The following MIPOL1 variants were observed in gnomAD, a reference collection of about 807,000 sequenced individuals.
MIPOL1 encodes the protein mirror-image polydactyly gene 1 protein.
Under a neutral mutation model 60.9 loss-of-function variants are expected in MIPOL1, and 57 were observed. The ratio of observed to expected loss-of-function variants is 0.94; its 90% CI spans 0.76 to 1.17. The LOEUF (loss-of-function observed/expected upper bound fraction) is 1.17, where lower values mean the gene tolerates loss of function less well. Among genes scored for constraint, MIPOL1 ranks in the 50% most tolerant of loss-of-function variants. The pLI is 0.00. For synonymous variants in MIPOL1, 179 were observed against 168.8 expected, an observed-to-expected ratio of 1.06 and a Z score of -0.47; for missense variants, 551 against 511.6, an observed-to-expected ratio of 1.08 and a Z score of -0.74.
chr14:37,305,837 A>G (rs1009387773), intron 7 of MIPOL1, among the ~76,000 whole-genome samples: 4 of 151,856 alleles, frequency 2.6e-5, no homozygotes, highest in African/African-American at 9.7e-5. Context: ...TAATAACAAA[A>G]CAAGATTGAG....
In MIPOL1 at chr14:37,410,543, A is replaced by G. The variant is rs560704176; in HGVS notation, c.937-12312A>G. Among the ~76,000 whole-genome samples the G allele has an allele frequency of 7.9e-5, 12 of 152,274 alleles. No homozygotes were observed. In the East Asian group the frequency reaches 1.2e-3, roughly 15 times the overall value. ...TGTTTAGACACAGGTACATGGTTCTATAAGGAACCTCCCAACCAGGAAGGA... is the reference window on the plus strand; with the variant it reads ...TGTTTAGACACAGGTACATGGTTCTGTAAGGAACCTCCCAACCAGGAAGGA... On this transcript the variant is annotated intron_variant, in intron 10 of 12. Transcript: ENST00000684589.
At chr14:37,529,458 A>C (rs2095467411) in intron 12 of MIPOL1, among the ~76,000 whole-genome samples, 1 of 152,136 alleles carries the variant, frequency 6.6e-6, no homozygotes, top group African/African-American at 2.4e-5. Flanking sequence ...AAATATTTGG[A>C]GAGGGTTCAA....
chr14:37,374,240 C>T (rs185604829), intron 10 of MIPOL1, among the ~76,000 whole-genome samples: 7 of 151,672 alleles, frequency 4.6e-5, no homozygotes, highest in East Asian at 1.9e-4. Flanking sequence ...GTTTGTTTTT[C>T]GGGGGGTAAA....
At chr14:37,230,951 A>G (rs954657574) in intron 1 of MIPOL1, among the ~76,000 whole-genome samples, 5 of 152,072 alleles carry the variant, frequency 3.3e-5, no homozygotes, top group African/African-American at 7.2e-5. Context: ...ATATATCTCT[A>G]TCTATCTATC....
intron 6 of MIPOL1, chr14:37,277,358 T>A (rs997370976): frequency 3.3e-5 from 5 of 151,242 alleles, no homozygotes; most frequent in Non-Finnish European, 5.9e-5. Flanking sequence ...TAAATAAAAA[T>A]TTTTTAAGTT....
chr14:37,363,428 G>A (rs892288164), intron 9 of MIPOL1, among the ~76,000 whole-genome samples: 1 of 152,158 alleles, frequency 6.6e-6, no homozygotes, highest in African/African-American at 2.4e-5. Flanking sequence ...GTTTGCCTGC[G>A]TATCACCAGT....
At chr14:37,423,454 G>T (rs1227838434) in intron 11 of MIPOL1, 1 of 151,604 alleles carries the variant, frequency 6.6e-6, no homozygotes, top group African/African-American at 2.4e-5. Flanking sequence ...AATAAGGTAG[G>T]TATTTTTTAA....
At chr14:37,460,899 A>C (rs2094531620) in intron 11 of MIPOL1, among the ~76,000 whole-genome samples, 1 of 152,218 alleles carries the variant, frequency 6.6e-6, no homozygotes, top group African/African-American at 2.4e-5. Context: ...GGATCAAAGA[A>C]ATCAATATCA....
intron 10 of MIPOL1, among the ~76,000 whole-genome samples, chr14:37,375,430 C>T (rs2092748498): frequency 6.6e-6 from 1 of 152,048 alleles, no homozygotes; most frequent in Non-Finnish European, 1.5e-5. Flanking sequence ...AGTGATCATT[C>T]CGCTTCGACC....
At chr14:37,388,207 T>C (rs1298941366) in intron 10 of MIPOL1, among the ~76,000 whole-genome samples, 1 of 151,964 alleles carries the variant, frequency 6.6e-6, no homozygotes, top group Non-Finnish European at 1.5e-5. Flanking sequence ...TGTGGGGTTT[T>C]AACAATTATT....
intron 1 of MIPOL1, among the ~76,000 whole-genome samples, chr14:37,246,847 A>T (rs1366918405): frequency 6.6e-6 from 1 of 152,096 alleles, no homozygotes; most frequent in Non-Finnish European, 1.5e-5. Context: ...GTAAATGATG[A>T]GGAAGAGTGA....
At chr14:37,380,654 T>G (rs2092901158) in intron 10 of MIPOL1, among the ~76,000 whole-genome samples, 1 of 152,188 alleles carries the variant, frequency 6.6e-6, no homozygotes, top group Non-Finnish European at 1.5e-5. Context: ...TTGCATATAA[T>G]TGCTTTTAAC....
chr14:37,466,433 A>G (rs1310458906), intron 11 of MIPOL1, among the ~76,000 whole-genome samples: 1 of 152,232 alleles, frequency 6.6e-6, no homozygotes, highest in Non-Finnish European at 1.5e-5. Flanking sequence ...AAGGCAAGAT[A>G]AAGTTGCTTT....
intron 11 of MIPOL1, among the ~76,000 whole-genome samples, chr14:37,494,236 A>G (rs1224625128): frequency 1.3e-5 from 2 of 152,210 alleles, no homozygotes; most frequent in Admixed American, 6.6e-5. Context: ...CTATATATAA[A>G]TGAAGTATTA....
intron 1 of MIPOL1, among the ~76,000 whole-genome samples, chr14:37,221,036 ATT>A (rs34293599): frequency 4.0e-5 from 6 of 148,222 alleles, no homozygotes; most frequent in South Asian, 2.1e-4. Context: ...TTGTTTGTTA[ATT>A]TTTTTTTTTT....
At chr14:37,314,721 C>T (rs769724674) in intron 9 of MIPOL1, among the ~76,000 whole-genome samples, 5 of 152,092 alleles carry the variant, frequency 3.3e-5, no homozygotes, top group African/African-American at 4.8e-5. Flanking sequence ...GATTTTATGC[C>T]TGGCTTTCCT....
intron 10 of MIPOL1, among the ~76,000 whole-genome samples, chr14:37,370,288 T>C (rs1298398835): frequency 6.6e-6 from 1 of 152,180 alleles, no homozygotes; most frequent in Non-Finnish European, 1.5e-5. Flanking sequence ...CTTTTCATTC[T>C]ACTTTTTATC....
intron 9 of MIPOL1, among the ~76,000 whole-genome samples, chr14:37,335,052 T>G (rs2090001978): frequency 6.6e-6 from 1 of 152,084 alleles, no homozygotes; most frequent in Non-Finnish European, 1.5e-5. Flanking sequence ...TGCTAGATCA[T>G]GTGGTAACTA....
chr14:37,380,553 A>G (rs556259346), intron 10 of MIPOL1, among the ~76,000 whole-genome samples: 4 of 152,266 alleles, frequency 2.6e-5, no homozygotes, highest in African/African-American at 9.6e-5. Flanking sequence ...ACTGTGAACT[A>G]TAACCTCTGC....
Sources: gnomAD v4.1 joint callset for allele counts (sites outside exome capture counted in the v4.1 genomes callset) on GRCh38, gnomAD v4.1.1 for gene constraint, MANE v1.5 for transcripts, NCBI Gene and HGNC (gene_info 2026-07-23, HGNC 2026-07-21) for gene names.